The following DPYD variants were observed in gnomAD, a reference collection of about 807,000 sequenced individuals.
DPYD encodes dihydropyrimidine dehydrogenase [NADP(+)].
In DPYD, 109 loss-of-function variants were observed where a neutral mutation model predicts 116.2. The ratio of observed to expected loss-of-function variants is 0.94; its 90% CI spans 0.80 to 1.10. The LOEUF is 1.10. Ranked by LOEUF, DPYD falls within the 50% of genes least tolerant of loss-of-function variation. The pLI is 0.00. For missense variants in DPYD, 1,302 were observed against 1,254.5 expected (o/e 1.04, Z -0.57); for synonymous variants, 440 against 432.0 (o/e 1.02, Z -0.23).
chr1:97,717,651 G>T (rs986016934), intron 5 of DPYD, among the ~76,000 whole-genome samples: 1 of 151,972 alleles, frequency 6.6e-6, no homozygotes, highest in Non-Finnish European at 1.5e-5. Context: ...TTATGCTTTT[G>T]TGTCCTCACA....
chr1:97,704,518 C>T (rs376945281), intron 5 of DPYD, among the ~76,000 whole-genome samples: 36 of 151,864 alleles, frequency 2.4e-4, no homozygotes, highest in African/African-American at 6.8e-4. Flanking sequence ...TCCATAAATA[C>T]GAAGAATATT....
intron 20 of DPYD, among the ~76,000 whole-genome samples, chr1:97,157,926 G>A (rs1480034451): frequency 1.3e-5 from 2 of 152,060 alleles, no homozygotes; most frequent in African/African-American, 4.8e-5. Context: ...TCTTTACAAT[G>A]AGCAATGCTG....
At chr1:97,143,336 T>C (rs828052) in intron 20 of DPYD, among the ~76,000 whole-genome samples, 96,504 of 151,894 alleles carry the variant, frequency 0.64, 32,555 homozygotes, top group East Asian at 0.99. Flanking sequence ...AAATGTTCAA[T>C]GGCAAGAGTA....
At chr1:97,801,993 G>T (rs1557972824) in intron 3 of DPYD, among the ~76,000 whole-genome samples, 1 of 151,684 alleles carries the variant, frequency 6.6e-6, no homozygotes, top group African/African-American at 2.4e-5. Context: ...ATATAAATAA[G>T]AAATTAAAAT....
At chr1:97,376,457 G>C (rs547704216) in intron 15 of DPYD, among the ~76,000 whole-genome samples, 1 of 152,068 alleles carries the variant, frequency 6.6e-6, no homozygotes, top group South Asian at 2.1e-4. Flanking sequence ...AACACACCTG[G>C]CAAGGCCTTT....
chr1:97,907,172 ATTAT>A (rs905260802), intron 1 of DPYD, among the ~76,000 whole-genome samples: 1 of 152,106 alleles, frequency 6.6e-6, no homozygotes, highest in African/African-American at 2.4e-5. Flanking sequence ...AAACTTATGA[ATTAT>A]TTATTTCTGG....
Position 97,515,808 on chromosome 1 carries a change from G to A in DPYD, c.1658C>T (p.Pro553Leu), listed in dbSNP as rs747858350. The A allele has an allele frequency of 2.5e-6, 4 of 1,612,946 alleles. No homozygotes were observed. Among genetic ancestry groups the A allele is most frequent in the Admixed American group, 1.7e-5 (1 of 59,842 alleles). ...TCGAATCATTGATGTGCTGGTGGCT[G>A]GAGTTGCGCTAGCAAGACCAAAAGG... Reference protein sequence around the residue: ...INPFGLASATPATSTSMIRRA... With the variant: ...INPFGLASATLATSTSMIRRA... The change falls in exon 13 of 23, where the codon CCA becomes CTA. Residue 553 changes from proline to leucine, a missense_variant. Pro to Leu is a moderately conservative substitution (Grantham distance 98). Transcript: ENST00000370192.
At chr1:97,430,206 T>C (rs11165870) in intron 14 of DPYD, among the ~76,000 whole-genome samples, 62,954 of 151,900 alleles carry the variant, frequency 0.41, 13,387 homozygotes, top group Middle Eastern at 0.55. Context: ...TGAACATAAA[T>C]CAGAAAATCG....
intron 14 of DPYD, among the ~76,000 whole-genome samples, chr1:97,445,614 C>T (rs1039857835): frequency 6.6e-6 from 1 of 152,102 alleles, no homozygotes; most frequent in Non-Finnish European, 1.5e-5. Flanking sequence ...CCTGTCTCAC[C>T]TTTCTTCCCT....
intron 14 of DPYD, among the ~76,000 whole-genome samples, chr1:97,400,402 A>G (rs558805882): frequency 3.0e-4 from 46 of 152,260 alleles, no homozygotes; most frequent in African/African-American, 1.1e-3. Context: ...ATATTGGTCT[A>G]AAATTATCTT....
chr1:97,312,730 A>G (rs575009259), intron 16 of DPYD, among the ~76,000 whole-genome samples: 1 of 151,990 alleles, frequency 6.6e-6, no homozygotes, highest in East Asian at 1.9e-4. Context: ...CAGACTATGC[A>G]TTTATGCTGT....
Position 97,323,456 on chromosome 1 carries a change from C to CATATACATATATGTGTATATATACACGT in DPYD, c.2059-17160_2059-17159insACGTGTATATATACACATATATGTATAT, listed in dbSNP as rs1558030246. Among the ~76,000 whole-genome samples, 53 of 102,470 alleles carry CATATACATATATGTGTATATATACACGT rather than the reference C, an allele frequency of 5.2e-4. 1 individual carries two copies. Among genetic ancestry groups the CATATACATATATGTGTATATATACACGT allele is most frequent in the Non-Finnish European group, 1.0e-3 (46 of 45,392 alleles). 67.2% of individuals were successfully genotyped at this position (102,470 alleles called of 152,430 possible). A position where few individuals can be genotyped will look rare whatever the true frequency, so the allele number is the denominator to read the frequency against. The stretch of plus-strand genomic sequence containing the variant: ...TGTATATGTACACGTATATACATAT[C>CATATACATATATGTGTATATATACACGT]ATATATACATATATGTGTATATATA... On this transcript the variant is annotated intron_variant, in intron 16 of 22. Transcript: ENST00000370192.
At chr1:97,607,421 T>C (rs1317825388) in intron 8 of DPYD, among the ~76,000 whole-genome samples, 1 of 151,870 alleles carries the variant, frequency 6.6e-6, no homozygotes, top group African/African-American at 2.4e-5. Flanking sequence ...AAGAGTGTTG[T>C]TCCTTTTTGG....
chr1:97,889,835 A>G (rs1672689915), intron 1 of DPYD, among the ~76,000 whole-genome samples: 2 of 152,036 alleles, frequency 1.3e-5, no homozygotes, highest in South Asian at 4.1e-4. Context: ...CTTCTCTAGG[A>G]TATATTGTAT....
At chr1:97,477,968 T>C (rs532712814) in intron 13 of DPYD, among the ~76,000 whole-genome samples, 1 of 152,302 alleles carries the variant, frequency 6.6e-6, no homozygotes, top group East Asian at 1.9e-4. Flanking sequence ...CTGACTATGC[T>C]CAGATTCATT....
At position 97,109,150 on chromosome 1, in the gene DPYD, T is replaced by C. The variant is rs560551954; in HGVS notation, c.2623-10518A>G. Among the ~76,000 whole-genome samples the C allele has an allele frequency of 3.5e-4, 54 of 152,242 alleles. No homozygotes were observed. The South Asian group carries it at 0.011, about 31-fold the overall frequency. On this transcript the variant is annotated intron_variant, in intron 20 of 22. Transcript: ENST00000370192. The stretch of plus-strand genomic sequence containing the variant: ...TTAAAATAGGAAAAGCATTAATAGA[T>C]GATTAAAATACAGACAGCTGTTACT...
Position 97,358,665 on chromosome 1 carries a change from A to C in DPYD, c.2058+14896T>G, listed in dbSNP as rs181833842. On this transcript the variant is annotated intron_variant, in intron 16 of 22. Transcript: ENST00000370192. ...GCCTCCGCTGGTGACACCCAGGCAA[A>C]CAGGGTCTGGAGTGGAGCTCCAGCA... Among the ~76,000 whole-genome samples, 395 of 152,246 alleles carry C rather than the reference A, an allele frequency of 2.6e-3. 1 individual carries two copies. Among genetic ancestry groups the C allele is most frequent in the African/African-American group, 9.0e-3 (375 of 41,556 alleles).
At chr1:97,114,678 A>C (rs945388716) in intron 20 of DPYD, among the ~76,000 whole-genome samples, 1 of 152,138 alleles carries the variant, frequency 6.6e-6, no homozygotes, top group African/African-American at 2.4e-5. Context: ...ATACAGCATC[A>C]CTACGTCATT....
At chr1:97,281,372 C>T (rs1180895492) in intron 18 of DPYD, among the ~76,000 whole-genome samples, 1 of 151,222 alleles carries the variant, frequency 6.6e-6, no homozygotes, top group Non-Finnish European at 1.5e-5. Flanking sequence ...GTAGATCCTA[C>T]CAAAAGGATA....
Sources: allele counts gnomAD v4.1 joint callset (sites outside exome capture counted in the v4.1 genomes callset), GRCh38; gene constraint gnomAD v4.1.1; transcripts MANE v1.5; gene names NCBI Gene and HGNC (gene_info 2026-07-23, HGNC 2026-07-21).